The following RABEP2 variants were observed in gnomAD, a reference collection of about 807,000 sequenced individuals.
RABEP2 encodes the protein rabaptin, RAB GTPase binding effector protein 2.
Under a neutral mutation model 74.1 loss-of-function variants are expected in RABEP2, and 57 were observed. That is an observed-to-expected ratio of 0.77 (90% CI 0.62 to 0.96). The LOEUF (loss-of-function observed/expected upper bound fraction) is 0.96, where lower values mean the gene tolerates loss of function less well. Ranked by LOEUF, RABEP2 falls within the 40% of genes least tolerant of loss-of-function variation. The probability of loss-of-function intolerance (pLI) is 0.00; values close to 1 mark genes in which losing one functional copy is unlikely to be tolerated. For synonymous variants in RABEP2, 351 were observed against 344.0 expected, an observed-to-expected ratio of 1.02 and a Z score of -0.23; for missense variants, 692 against 756.3, an observed-to-expected ratio of 0.91 and a Z score of 1.00.
intron 7 of RABEP2, among the ~76,000 whole-genome samples, chr16:28,909,377 C>T (rs1964280642): frequency 6.6e-6 from 1 of 151,932 alleles, no homozygotes; most frequent in Admixed American, 6.6e-5. Context: ...GTGCCCGGCC[C>T]ATATATATTT....
rs565976694 is a variant in RABEP2, at chr16:28,908,455, T to C, written c.1245+154A>G. 4.1e-4 allele frequency among the ~76,000 whole-genome samples: 63 copies of C among 152,344 alleles called. 2 individuals carry two copies. In the South Asian group the frequency reaches 0.012, roughly 30 times the overall value. Reference sequence around the variant, plus strand: ...TGCTGGAAAGCATGTATGGTTCCATTTCTCAGATGAGGAAACTGAGCCTTA... The same window carrying C: ...TGCTGGAAAGCATGTATGGTTCCATCTCTCAGATGAGGAAACTGAGCCTTA... On this transcript the variant is annotated intron_variant, in intron 8 of 12. Coordinates refer to ENST00000358201, the MANE Select transcript of RABEP2 (RefSeq NM_024816.3).
chr16:28,922,341 C>A (rs964351420), intron 2 of RABEP2, among the ~76,000 whole-genome samples: 3 of 152,198 alleles, frequency 2.0e-5, no homozygotes, highest in African/African-American at 7.2e-5. Context: ...AATTCCAGCA[C>A]TTTGGGAGGC....
At position 28,908,481 on chromosome 16, in the gene RABEP2, G is replaced by C. The variant is rs750648680; in HGVS notation, c.1245+128C>G. 3.1e-6 allele frequency: 3 copies of C among 966,750 alleles called. No individual in the cohort carries two copies. The South Asian group carries it at 5.8e-5, about 19-fold the overall frequency. 59.9% of individuals were successfully genotyped at this position (966,750 alleles called of 1,614,324 possible). On this transcript the variant is annotated intron_variant, in intron 8 of 12. Coordinates refer to ENST00000358201, the MANE Select transcript of RABEP2 (RefSeq NM_024816.3). ...TCTCAGATGAGGAAACTGAGCCTTA[G>C]AGAAGGCAAATGAGTTAGCCAAGCA...
rs548077220 is a variant in RABEP2 at position 28,909,265 on chromosome 16, C to T, written c.1090-501G>A. 8.6e-5 allele frequency among the ~76,000 whole-genome samples: 13 copies of T among 152,008 alleles called. No homozygotes were observed. The South Asian group carries it at 1.2e-3, about 15-fold the overall frequency. The stretch of plus-strand genomic sequence containing the variant: ...CTAATATTTGTACTTTTAGTAGAGA[C>T]GGGGTTTCACCATGTTGGTCAGGTT... On this transcript the variant is annotated intron_variant, in intron 7 of 12. Transcript: ENST00000358201.
chr16:28,918,802 C>A (rs1964429504), intron 3 of RABEP2, among the ~76,000 whole-genome samples: 1 of 151,972 alleles, frequency 6.6e-6, no homozygotes, highest in Non-Finnish European at 1.5e-5. Context: ...CAGGTGTGCA[C>A]CACCATGCCC....
At position 28,925,195 on chromosome 16, in the gene RABEP2, C is replaced by A. The variant is rs1159866009; in HGVS notation, c.-32G>T. On this transcript the variant is annotated 5_prime_UTR_variant, in exon 1 of 13. Transcript: ENST00000358201. ...AGCGCAAACGGCGGATTCCCGCACT[C>A]CCTGGTGACGGAGCGCACCGCTTCC... 1 of 1,518,100 alleles carries A rather than the reference C, an allele frequency of 6.6e-7. No individual in the cohort carries two copies. The highest frequency in any genetic ancestry group is 8.8e-7 in the Non-Finnish European group (1 of 1,139,272). The allele number at this position is 1,518,100 out of a possible 1,614,324, so 94.0% of individuals were successfully genotyped here. A position where few individuals can be genotyped will look rare whatever the true frequency, so the allele number is the denominator to read the frequency against.
intron 8 of RABEP2, 122 bp from the exon 9 acceptor site, chr16:28,906,318 T>A: frequency 7.5e-7 from 1 of 1,334,110 alleles, no homozygotes; most frequent in Non-Finnish European, 9.9e-7. Flanking sequence ...AGCAAAGGGC[T>A]AAAGTGGGGA....
chr16:28,924,876 C>G, intron 1 of RABEP2: 1 of 745,626 alleles, frequency 1.3e-6, no homozygotes, highest in Non-Finnish European at 2.3e-6. Flanking sequence ...CTAGTGGCCG[C>G]GCCCCTTCCT....
intron 2 of RABEP2, chr16:28,924,195 A>G (rs939135174): frequency 2.4e-5 from 14 of 587,326 alleles, no homozygotes; most frequent in Non-Finnish European, 4.3e-5. Context: ...AGCTAAACTT[A>G]GCTATAACTG....
chr16:28,914,728 T>C lies in RABEP2; in HGVS notation c.487A>G (p.Ile163Val). The C allele has an allele frequency of 6.2e-7, 1 of 1,614,114 alleles. No homozygotes were observed. Among genetic ancestry groups the C allele is most frequent in the Non-Finnish European group, 8.5e-7 (1 of 1,180,006 alleles). ...AGCAGCTTCGCCTTCAGCTCCTCGA[T>C]CTCCTTTTCCATGGGCAGTACGATC... The part of the protein sequence containing the change: ...REIVLPMEKE[I>V]EELKAKLLRA... The change falls in exon 4 of 13, where the codon ATC becomes GTC. Residue 163 changes from isoleucine to valine, a missense_variant. Transcript: ENST00000358201.
rs774057487 is a variant in RABEP2, at chr16:28,914,199, G to A, written c.894+37C>T. 9 of 1,508,400 alleles carry A rather than the reference G, an allele frequency of 6.0e-6. No homozygotes were observed. In the Admixed American group the frequency reaches 1.1e-4, roughly 19 times the overall value. The allele number at this position is 1,508,400 out of a possible 1,614,324, so 93.4% of individuals were successfully genotyped here. On this transcript the variant is annotated intron_variant, in intron 5 of 12. Transcript: ENST00000358201. ...CGGGGGAAGCATCCAGCAGAGAGGG[G>A]GATGGTACACCCCGCCACCCTGCCC...
intron 7 of RABEP2, 62 bp from the exon 8 acceptor site, chr16:28,908,826 GCCAAA>G: frequency 6.5e-7 from 1 of 1,533,274 alleles, no homozygotes; most frequent in Non-Finnish European, 8.9e-7. Context: ...TCCCTAGGAG[GCCAAA>G]CCTCCTTGAA....
At chr16:28,907,162 G>GTTTTT (rs58982936) in intron 8 of RABEP2, among the ~76,000 whole-genome samples, 2 of 127,956 alleles carry the variant, frequency 1.6e-5, no homozygotes, top group Non-Finnish European at 3.2e-5. Context: ...TTTTGCCTTT[G>GTTTTT]TTTTTTTTTT....
chr16:28,906,660 G>A (rs376751842), intron 8 of RABEP2, among the ~76,000 whole-genome samples: 1 of 152,154 alleles, frequency 6.6e-6, no homozygotes, highest in Non-Finnish European at 1.5e-5. Context: ...AGCTACTCCG[G>A]AGGCTGAGGC....
Position 28,912,328 on chromosome 16 carries a change from T to C in RABEP2, c.895-1149A>G, listed in dbSNP as rs538090236. Reference sequence around the variant, plus strand: ...CCCCTGGTCCAAGGTACCACCTTCCTGTACACCACAGTCCCAGCCTCTCAG... The same window carrying C: ...CCCCTGGTCCAAGGTACCACCTTCCCGTACACCACAGTCCCAGCCTCTCAG... On this transcript the variant is annotated intron_variant, in intron 5 of 12. Transcript: ENST00000358201. 4.6e-5 allele frequency among the ~76,000 whole-genome samples: 7 copies of C among 151,802 alleles called. No individual in the cohort carries two copies. The South Asian group carries it at 1.5e-3, about 32-fold the overall frequency.
At position 28,908,875 on chromosome 16, in the gene RABEP2, ACC is replaced by A. The variant is rs1964272682; in HGVS notation, c.1090-113_1090-112del. 1.3e-5 allele frequency: 15 copies of A among 1,143,398 alleles called. No individual in the cohort carries two copies. In the South Asian group the frequency reaches 2.2e-4, roughly 17 times the overall value. The allele number at this position is 1,143,398 out of a possible 1,614,324, so 70.8% of individuals were successfully genotyped here. On this transcript the variant is annotated intron_variant, in intron 7 of 12. Transcript: ENST00000358201. ...CCAGACTGACAGCAAGAGAGCCCAT[ACC>A]CTCTCTGTTCCTAAGCAAGGAAGGA... is the stretch of plus-strand genomic sequence containing the variant.
chr16:28,905,326 T>A, intron 12 of RABEP2, 71 bp downstream of exon 12: 1 of 1,125,982 alleles, frequency 8.9e-7, no homozygotes, highest in Non-Finnish European at 1.3e-6. Context: ...CAGGGAACTG[T>A]CCTTGCAAGA....
intron 2 of RABEP2, among the ~76,000 whole-genome samples, chr16:28,922,255 A>G (rs1293050741): frequency 1.3e-5 from 2 of 152,184 alleles, no homozygotes; most frequent in Non-Finnish European, 2.9e-5. Context: ...TTGTTTGTAT[A>G]GATATTGACC....
chr16:28,924,912 AC>A, intron 1 of RABEP2, 190 bp downstream of exon 1: 2 of 818,210 alleles, frequency 2.4e-6, no homozygotes, highest in Admixed American at 4.0e-5. Context: ...CGCACCTGTC[AC>A]TGGCCCTACC....
Sources: allele counts gnomAD v4.1 joint callset (sites outside exome capture counted in the v4.1 genomes callset), GRCh38; gene constraint gnomAD v4.1.1; transcripts MANE v1.5; gene names NCBI Gene and HGNC (gene_info 2026-07-23, HGNC 2026-07-21).